Variants in FBLN5 observed in about 807,000 individuals in gnomAD.
FBLN5 encodes fibulin-5.
Under a neutral mutation model 61.6 loss-of-function variants are expected in FBLN5, and 24 were observed. That is an observed-to-expected ratio of 0.39 (90% CI 0.28 to 0.55). The LOEUF (loss-of-function observed/expected upper bound fraction) is 0.55, where lower values mean the gene tolerates loss of function less well. FBLN5 is among the 20% of genes least tolerant of loss of function. The pLI, the probability that FBLN5 is intolerant of heterozygous loss-of-function variation, is 0.65. For missense variants in FBLN5, 470 were observed against 594.1 expected (o/e 0.79, Z 2.17); for synonymous variants, 213 against 219.8 (o/e 0.97, Z 0.27).
chr14:91,898,756 C>A (rs1180340738), intron 4 of FBLN5, among the ~76,000 whole-genome samples: 11 of 150,748 alleles, frequency 7.3e-5, no homozygotes, highest in Admixed American at 7.2e-4. Context: ...TGCATTCAAT[C>A]CTTTATTCAT....
At chr14:91,932,824 G>A (rs2055948290) in intron 4 of FBLN5, among the ~76,000 whole-genome samples, 1 of 152,148 alleles carries the variant, frequency 6.6e-6, no homozygotes, top group Admixed American at 6.5e-5. Context: ...AAGTGGCCAG[G>A]GAAACAGTAA....
intron 1 of FBLN5, among the ~76,000 whole-genome samples, chr14:91,946,284 A>T (rs1392800180): frequency 2.6e-5 from 1 of 37,852 alleles, no homozygotes; most frequent in African/African-American, 1.7e-4. Flanking sequence ...CTTGTGATTA[A>T]AAAAAAAAAA....
chr14:91,915,686 C>CAAA lies in FBLN5; in HGVS notation c.380-20617_380-20615dup, dbSNP rs34675184. 5.0e-3 allele frequency among the ~76,000 whole-genome samples: 220 copies of CAAA among 43,698 alleles called. 4 individuals carry two copies. Among genetic ancestry groups the CAAA allele is most frequent in the African/African-American group, 0.012 (135 of 11,674 alleles). The allele number at this position is 43,698 out of a possible 152,430, so 28.7% of individuals were successfully genotyped here. On this transcript the variant is annotated intron_variant, in intron 4 of 10. Coordinates refer to ENST00000342058, the MANE Select transcript of FBLN5 (RefSeq NM_006329.4). The stretch of plus-strand genomic sequence containing the variant: ...TGGGCGACAGAGCAAGACTCCATCT[C>CAAA]AAAAAAAAAAAAAAAAAAAAAAAAA...
At chr14:91,906,543 C>G (rs574763234) in intron 4 of FBLN5, among the ~76,000 whole-genome samples, 1 of 152,194 alleles carries the variant, frequency 6.6e-6, no homozygotes, top group Non-Finnish European at 1.5e-5. Flanking sequence ...TCCCCATCAC[C>G]CTTTGGACTT....
chr14:91,879,562 G>T lies in FBLN5; in HGVS notation c.989+1730C>A, dbSNP rs1411378511. 3.8e-5 allele frequency among the ~76,000 whole-genome samples: 3 copies of T among 77,950 alleles called. No homozygotes were observed. In the Admixed American group the frequency reaches 5.3e-4, roughly 14 times the overall value. 51.1% of individuals were successfully genotyped at this position (77,950 alleles called of 152,430 possible). A position where few individuals can be genotyped will look rare whatever the true frequency, so the allele number is the denominator to read the frequency against. Reference sequence around the variant, plus strand: ...CAAGCTGAAATGGGTCAGCTCCCCAGCCACAGACGGGGTGGCCTGGAAAAA... The same window carrying T: ...CAAGCTGAAATGGGTCAGCTCCCCATCCACAGACGGGGTGGCCTGGAAAAA... On this transcript the variant is annotated intron_variant, in intron 9 of 10. Coordinates refer to ENST00000342058, the MANE Select transcript of FBLN5 (RefSeq NM_006329.4).
chr14:91,888,703 C>T (rs939230914), intron 6 of FBLN5, among the ~76,000 whole-genome samples: 1 of 151,808 alleles, frequency 6.6e-6, no homozygotes, highest in African/African-American at 2.4e-5. Flanking sequence ...GAGAGGTGTA[C>T]CCAAGTCCAC....
intron 10 of FBLN5, among the ~76,000 whole-genome samples, chr14:91,875,253 A>C (rs1227475983): frequency 6.6e-6 from 1 of 152,188 alleles, no homozygotes; most frequent in Non-Finnish European, 1.5e-5. Context: ...GTGGTACCAG[A>C]CTGTCTCCAG....
Position 91,876,334 on chromosome 14 carries a change from T to C in FBLN5, c.1185+1153A>G, listed in dbSNP as rs188280892. ...TAAACGCCCATGGACCTTTTCAATA[T>C]GGCTCCCCACAGTGACCCTGGAAGA... is the stretch of plus-strand genomic sequence containing the variant. On this transcript the variant is annotated intron_variant, in intron 10 of 10. Transcript: ENST00000342058. Among the ~76,000 whole-genome samples the C allele has an allele frequency of 6.6e-3, 1,007 of 152,318 alleles. 4 individuals are homozygous for C. The highest frequency in any genetic ancestry group is 9.6e-3 in the Non-Finnish European group (651 of 68,026).
At chr14:91,917,071 A>G (rs1891224388) in intron 4 of FBLN5, among the ~76,000 whole-genome samples, 1 of 152,202 alleles carries the variant, frequency 6.6e-6, no homozygotes, top group African/African-American at 2.4e-5. Flanking sequence ...GCTCGAGATT[A>G]AGGCAATCTC....
intron 9 of FBLN5, among the ~76,000 whole-genome samples, chr14:91,878,766 C>T (rs1224359533): frequency 1.3e-5 from 2 of 152,230 alleles, no homozygotes; most frequent in African/African-American, 2.4e-5. Flanking sequence ...CCTTTGGACT[C>T]CTCCATCTAA....
chr14:91,922,314 GTAAA>G (rs3031542), intron 4 of FBLN5, among the ~76,000 whole-genome samples: 36,170 of 143,372 alleles, frequency 0.25, 4,779 homozygotes, highest in South Asian at 0.35. Context: ...TAATAATAAA[GTAAA>G]TAAATAAATA....
At chr14:91,877,412 A>C in intron 10 of FBLN5, 75 bp downstream of exon 10, 2 of 1,228,494 alleles carry the variant, frequency 1.6e-6, no homozygotes, top group South Asian at 2.4e-5. Flanking sequence ...ACCTGCTTGC[A>C]TACAGCACGT....
intron 4 of FBLN5, among the ~76,000 whole-genome samples, chr14:91,917,317 G>A (rs58690818): frequency 0.22 from 33,676 of 152,064 alleles, 3,876 homozygotes; most frequent in Middle Eastern, 0.34. Flanking sequence ...GGTGGCTCAC[G>A]CCTGTAATCC....
In FBLN5 at chr14:91,925,216, G is replaced by A. The variant is rs1011797105; in HGVS notation, c.379+11731C>T. ...AAGACCCCAAGTATTCTGCTTCCCC[G>A]GCCCCAACATACCCGCCGGCCCCAG... is the stretch of plus-strand genomic sequence containing the variant. On this transcript the variant is annotated intron_variant, in intron 4 of 10. Transcript: ENST00000342058. 3.3e-5 allele frequency among the ~76,000 whole-genome samples: 5 copies of A among 152,168 alleles called. No homozygotes were observed. The South Asian group carries it at 6.2e-4, about 19-fold the overall frequency.
chr14:91,878,494 T>A (rs955104374), intron 9 of FBLN5, among the ~76,000 whole-genome samples: 1 of 152,162 alleles, frequency 6.6e-6, no homozygotes, highest in Non-Finnish European at 1.5e-5. Flanking sequence ...CACAATAGGA[T>A]GAAGATGTCT....
In FBLN5 at chr14:91,870,264, A is replaced by T. The variant is rs1453600644; in HGVS notation, c.1307T>A (p.Val436Glu). The change falls in exon 11 of 11, where the codon GTG (valine) becomes GAG (glutamate). Residue 436 changes from valine to glutamate, a missense_variant. Transcript: ENST00000342058. ...NTVINFRGSS[V>E]IRLRIYVSQY... Reference sequence around the variant, plus strand: ...CGACACATATATCCGCAGTCGGATCACGGAGCTGCCTCTGAAGTTGATGAC... The same window carrying T: ...CGACACATATATCCGCAGTCGGATCTCGGAGCTGCCTCTGAAGTTGATGAC... The T allele has an allele frequency of 6.2e-7, 1 of 1,614,242 alleles. No individual in the cohort carries two copies. Among genetic ancestry groups the T allele is most frequent in the Admixed American group, 1.7e-5 (1 of 60,032 alleles).
chr14:91,878,294 C>G (rs1158089746), intron 9 of FBLN5, among the ~76,000 whole-genome samples: 1 of 152,136 alleles, frequency 6.6e-6, no homozygotes, highest in Non-Finnish European at 1.5e-5. Flanking sequence ...AGTTTACTTT[C>G]TAATAGGAGA....
At chr14:91,905,557 C>A (rs1209879705) in intron 4 of FBLN5, among the ~76,000 whole-genome samples, 1 of 150,016 alleles carries the variant, frequency 6.7e-6, no homozygotes, top group African/African-American at 2.5e-5. Context: ...GAGAAACAGG[C>A]CGGTAGGTAA....
chr14:91,927,127 G>A (rs58442889), intron 4 of FBLN5, among the ~76,000 whole-genome samples: 2,178 of 152,244 alleles, frequency 0.014, 57 homozygotes, highest in African/African-American at 0.05. Context: ...CCTATGGGAT[G>A]ATATTTACAT....
Sources: gnomAD v4.1 joint callset for allele counts (sites outside exome capture counted in the v4.1 genomes callset) on GRCh38, gnomAD v4.1.1 for gene constraint, MANE v1.5 for transcripts, NCBI Gene and HGNC (gene_info 2026-07-23, HGNC 2026-07-21) for gene names.